Variants in DYM observed in about 807,000 individuals in gnomAD.
DYM encodes dyggve-Melchior-Clausen syndrome protein.
A neutral mutation model predicts 93.1 loss-of-function variants in DYM; 78 were observed. That is an observed-to-expected ratio of 0.84 (90% CI 0.70 to 1.01). DYM has a LOEUF of 1.01. Ranked by LOEUF, DYM falls within the 50% of genes least tolerant of loss-of-function variation. The pLI is 0.00. For missense variants in DYM, 789 were observed against 845.0 expected, an observed-to-expected ratio of 0.93 and a Z score of 0.82; for synonymous variants, 321 against 319.7, an observed-to-expected ratio of 1.00 and a Z score of -0.04.
chr18:49,313,703 A>C (rs2061752806), intron 8 of DYM, among the ~76,000 whole-genome samples: 1 of 152,010 alleles, frequency 6.6e-6, no homozygotes, highest in Non-Finnish European at 1.5e-5. Context: ...CTTTCACTTT[A>C]CTGTATGGAT....
At chr18:49,067,408 G>GTAT (rs1851982959) in intron 17 of DYM, among the ~76,000 whole-genome samples, 4 of 5,438 alleles carry the variant, frequency 7.4e-4, no homozygotes, top group Non-Finnish European at 1.2e-3. Flanking sequence ...GGTGATGTGA[G>GTAT]TGTTATGGAG....
chr18:49,332,715 C>T (rs115254994), intron 7 of DYM, among the ~76,000 whole-genome samples: 2 of 152,220 alleles, frequency 1.3e-5, no homozygotes, highest in African/African-American at 4.8e-5. Flanking sequence ...GAACATATTA[C>T]GGTTTAAATA....
intron 11 of DYM, among the ~76,000 whole-genome samples, chr18:49,263,377 C>T (rs994624317): frequency 2.0e-5 from 3 of 151,268 alleles, no homozygotes; most frequent in Non-Finnish European, 4.4e-5. Context: ...CCTCAGCCTC[C>T]CAAAGTGCTG....
At chr18:49,406,196 C>T (rs1461819168) in intron 2 of DYM, among the ~76,000 whole-genome samples, 1 of 151,060 alleles carries the variant, frequency 6.6e-6, no homozygotes, top group Admixed American at 6.6e-5. Flanking sequence ...ATTTGAGTAC[C>T]TTTTATTTCT....
intron 15 of DYM, among the ~76,000 whole-genome samples, chr18:49,130,745 G>C (rs905109108): frequency 6.6e-6 from 1 of 152,198 alleles, no homozygotes; most frequent in Non-Finnish European, 1.5e-5. Context: ...CAGATGCTGG[G>C]TTGGAGTGGG....
intron 6 of DYM, among the ~76,000 whole-genome samples, chr18:49,361,396 G>A (rs1004763865): frequency 1.3e-5 from 2 of 152,104 alleles, no homozygotes; most frequent in Non-Finnish European, 2.9e-5. Context: ...TTCCTTTTGG[G>A]GCCATAGACA....
chr18:49,079,810 A>C (rs1403687174), intron 17 of DYM, among the ~76,000 whole-genome samples: 2 of 151,970 alleles, frequency 1.3e-5, no homozygotes, highest in South Asian at 4.2e-4. Flanking sequence ...ACTTCTTTCT[A>C]CACAAACACG....
At chr18:49,304,479 A>AAATTGTC (rs1178580281) in intron 8 of DYM, among the ~76,000 whole-genome samples, 1 of 152,148 alleles carries the variant, frequency 6.6e-6, no homozygotes, top group African/African-American at 2.4e-5. Flanking sequence ...CATTAGGAAA[A>AAATTGTC]AACCTTCTAT....
intron 17 of DYM, among the ~76,000 whole-genome samples, chr18:49,059,453 T>C (rs2075770395): frequency 6.6e-6 from 1 of 152,232 alleles, no homozygotes; most frequent in South Asian, 2.1e-4. Context: ...CTGTAATCAC[T>C]AGTGCTTTAA....
At chr18:49,283,147 T>C (rs946825509) in intron 9 of DYM, among the ~76,000 whole-genome samples, 3 of 152,218 alleles carry the variant, frequency 2.0e-5, no homozygotes, top group Non-Finnish European at 2.9e-5. Flanking sequence ...AATCCAACTG[T>C]AACAGTAGGC....
At chr18:49,146,878 G>A (rs1050789230) in intron 15 of DYM, among the ~76,000 whole-genome samples, 40 of 152,014 alleles carry the variant, frequency 2.6e-4, no homozygotes, top group Admixed American at 5.3e-4. Flanking sequence ...AAAAGAGCCC[G>A]CATCGCCAAG....
intron 2 of DYM, among the ~76,000 whole-genome samples, chr18:49,414,125 T>G (rs546614797): frequency 6.6e-6 from 1 of 152,042 alleles, no homozygotes; most frequent in African/African-American, 2.4e-5. Flanking sequence ...GTCAAATTCA[T>G]AGAGACAGAA....
intron 15 of DYM, among the ~76,000 whole-genome samples, chr18:49,146,540 A>G (rs1170783354): frequency 6.6e-6 from 1 of 152,218 alleles, no homozygotes; most frequent in Non-Finnish European, 1.5e-5. Flanking sequence ...AAGCATTCTT[A>G]TACACCAATA....
At chr18:49,078,557 C>T (rs935116382) in intron 17 of DYM, among the ~76,000 whole-genome samples, 3 of 152,188 alleles carry the variant, frequency 2.0e-5, no homozygotes, top group Admixed American at 2.0e-4. Context: ...CCTTCCGGCT[C>T]TTTCCCTTCT....
At chr18:49,324,169 A>AAAAAAAAAT (rs2062722322) in intron 8 of DYM, among the ~76,000 whole-genome samples, 1 of 145,220 alleles carries the variant, frequency 6.9e-6, no homozygotes, top group Non-Finnish European at 1.5e-5. Context: ...AAAAAAAAAA[A>AAAAAAAAAT]TCTTTAACAC....
intron 8 of DYM, among the ~76,000 whole-genome samples, chr18:49,287,004 A>T (rs902303932): frequency 6.6e-6 from 1 of 152,164 alleles, no homozygotes. Flanking sequence ...CAGCCTAACC[A>T]ACATGGTGAA....
At position 49,139,068 on chromosome 18, in the gene DYM, T is replaced by C. The variant is rs78056863; in HGVS notation, c.1729-20142A>G. Reference sequence around the variant, plus strand: ...ACAGACTAATACTTAGAAAATAATATATTAAGCTCAGTTTTGAAAACGATT... The same window carrying C: ...ACAGACTAATACTTAGAAAATAATACATTAAGCTCAGTTTTGAAAACGATT... On this transcript the variant is annotated intron_variant, in intron 15 of 17. Transcript: ENST00000675505. Among the ~76,000 whole-genome samples the C allele has an allele frequency of 4.0e-3, 613 of 152,244 alleles. 3 individuals carry two copies. The highest frequency in any genetic ancestry group is 0.014 in the African/African-American group (596 of 41,548).
rs2119949 is a variant in DYM, at chr18:49,067,934, C to T, written c.2026-23730G>A. Among the ~76,000 whole-genome samples the T allele has an allele frequency of 3.2e-3, 488 of 152,046 alleles. 3 individuals carry two copies. Among genetic ancestry groups the T allele is most frequent in the African/African-American group, 0.011 (471 of 41,470 alleles). On this transcript the variant is annotated intron_variant, in intron 17 of 17. Coordinates refer to ENST00000675505, the MANE Select transcript of DYM (RefSeq NM_001353214.3). ...ACTGCTGACAGAACACCCACCCCTCCAAAACTGGCCCTTTTGCAAAGGCGT... is the reference window on the plus strand; with the variant it reads ...ACTGCTGACAGAACACCCACCCCTCTAAAACTGGCCCTTTTGCAAAGGCGT...
At chr18:49,236,057 T>G (rs2144585564) in intron 13 of DYM, among the ~76,000 whole-genome samples, 1 of 152,324 alleles carries the variant, frequency 6.6e-6, no homozygotes, top group African/African-American at 2.4e-5. Flanking sequence ...AATGTCCTAT[T>G]CACATTACAG....
Sources: gnomAD v4.1 joint callset for allele counts (sites outside exome capture counted in the v4.1 genomes callset) on GRCh38, gnomAD v4.1.1 for gene constraint, MANE v1.5 for transcripts, NCBI Gene and HGNC (gene_info 2026-07-23, HGNC 2026-07-21) for gene names.